Variants in WDR44 observed in about 807,000 individuals in gnomAD.
WDR44 encodes WD repeat domain 44, also known as WD repeat-containing protein 44.
In WDR44, 9 loss-of-function variants were observed where a neutral mutation model predicts 65.7. The observed-to-expected ratio is 0.14, with a 90% confidence interval of 0.08 to 0.24. The LOEUF is 0.24. Ranked by LOEUF, WDR44 falls within the 10% of genes least tolerant of loss-of-function variation. WDR44 has a pLI of 1.00. For synonymous variants in WDR44, 220 were observed against 235.2 expected (o/e 0.94, Z 0.59); for missense variants, 425 against 670.9 (o/e 0.63, Z 4.05).
At chrX:118,409,418 C>T in intron 10 of WDR44, 71 bp from the exon 11 acceptor site, 1 of 1,118,712 alleles carries the variant, frequency 8.9e-7, no homozygotes, top group Non-Finnish European at 1.2e-6. Context: ...ACGTGAGCCA[C>T]CATGCCAGGC....
intron 11 of WDR44, 59 bp from the exon 12 acceptor site, chrX:118,410,836 T>A: frequency 1.1e-6 from 1 of 925,502 alleles, no homozygotes; most frequent in Non-Finnish European, 1.5e-6. Flanking sequence ...GATGTTATAT[T>A]TTGGTGGGTC....
chrX:118,449,580 T>A lies in WDR44; in HGVS notation c.*593T>A, dbSNP rs954592967. On this transcript the variant is annotated 3_prime_UTR_variant, in exon 20 of 20. Transcript: ENST00000254029. ...ATTGTGGGCTTAAGATTCTTTTCTT[T>A]ATATGTGTACATATAATTTTTTTTT... 2.1e-4 allele frequency: 23 copies of A among 111,287 alleles called. No homozygotes were observed. Among genetic ancestry groups the A allele is most frequent in the African/African-American group, 7.5e-4 (23 of 30,594 alleles). 9.2% of individuals were successfully genotyped at this position (111,287 alleles called of 1,213,427 possible).
At chrX:118,398,535 A>G (rs978558941) in intron 8 of WDR44, 65 bp downstream of exon 8, 2 of 927,662 alleles carry the variant, frequency 2.2e-6, no homozygotes, top group Admixed American at 2.5e-5. Flanking sequence ...GAGAACTACC[A>G]TACTATTTTA....
At chrX:118,407,369 C>T (rs1441268999) in intron 10 of WDR44, among the ~76,000 whole-genome samples, 7 of 110,482 alleles carry the variant, frequency 6.3e-5, no homozygotes, top group Admixed American at 3.9e-4. Flanking sequence ...AGCATGGTGG[C>T]GGGTGCCTGT....
At chrX:118,355,789 C>T (rs2056453719) in intron 1 of WDR44, among the ~76,000 whole-genome samples, 2 of 111,279 alleles carry the variant, frequency 1.8e-5, no homozygotes, top group Admixed American at 9.6e-5. Context: ...TTTGAACTTC[C>T]TGGTTCTCTC....
intron 2 of WDR44, among the ~76,000 whole-genome samples, chrX:118,383,878 C>CTTTTTTTTTTTTTTTTTTTTTTTTCT (rs549809406): frequency 1.4e-5 from 1 of 69,840 alleles, no homozygotes; most frequent in East Asian, 5.1e-4. Context: ...TTTTTAATTT[C>CTTTTTTTTTTTTTTTTTTTTTTTTCT]TTTTTTTTTT....
intron 1 of WDR44, among the ~76,000 whole-genome samples, chrX:118,366,740 G>T (rs1333485348): frequency 9.0e-6 from 1 of 111,322 alleles, no homozygotes; most frequent in African/African-American, 3.3e-5. Flanking sequence ...TAGTGTTGTG[G>T]TTATGTTTTA....
intron 1 of WDR44, among the ~76,000 whole-genome samples, chrX:118,376,339 G>A (rs1053729250): frequency 9.0e-6 from 1 of 111,245 alleles, no homozygotes; most frequent in Non-Finnish European, 1.9e-5. Flanking sequence ...CTCTACCAAA[G>A]GAATCATTAC....
chrX:118,425,201 A>G (rs1189568550), intron 12 of WDR44, among the ~76,000 whole-genome samples: 1 of 111,895 alleles, frequency 8.9e-6, no homozygotes, highest in Non-Finnish European at 1.9e-5. Context: ...AAACATAGAG[A>G]TGTCGATGCG....
At chrX:118,442,782 C>A in intron 17 of WDR44, 102 bp downstream of exon 17, 1 of 623,816 alleles carries the variant, frequency 1.6e-6, no homozygotes, top group Non-Finnish European at 2.6e-6. Flanking sequence ...GTTCTTTTCA[C>A]TTTTGCAAGT....
At chrX:118,385,473 G>A (rs1022474029) in intron 2 of WDR44, among the ~76,000 whole-genome samples, 6 of 111,248 alleles carry the variant, frequency 5.4e-5, no homozygotes, top group Non-Finnish European at 7.5e-5. Flanking sequence ...TGAACCCATA[G>A]AGGGGAACAA....
chrX:118,347,138 T>A (rs1383414281), intron 1 of WDR44, among the ~76,000 whole-genome samples: 1 of 111,727 alleles, frequency 9.0e-6, no homozygotes, highest in Non-Finnish European at 1.9e-5. Flanking sequence ...CTCTAGCGAA[T>A]GTACTCTAGA....
At chrX:118,403,022 A>G (rs2056933357) in intron 8 of WDR44, among the ~76,000 whole-genome samples, 1 of 111,871 alleles carries the variant, frequency 8.9e-6, no homozygotes, top group Admixed American at 9.5e-5. Flanking sequence ...CTGATAACCA[A>G]GAAGACTACT....
At chrX:118,373,367 T>C (rs185846245) in intron 1 of WDR44, among the ~76,000 whole-genome samples, 3 of 111,722 alleles carry the variant, frequency 2.7e-5, no homozygotes, top group East Asian at 2.8e-4. Flanking sequence ...CATGTACTTA[T>C]TTACAAGCTG....
At chrX:118,417,416 C>T (rs779465510) in intron 12 of WDR44, among the ~76,000 whole-genome samples, 2 of 111,637 alleles carry the variant, frequency 1.8e-5, no homozygotes, top group African/African-American at 3.2e-5. Context: ...TGTCTGAAAA[C>T]GACTGTATCT....
intron 1 of WDR44, among the ~76,000 whole-genome samples, chrX:118,374,220 A>G (rs750510088): frequency 9.0e-6 from 1 of 111,310 alleles, no homozygotes; most frequent in South Asian, 3.8e-4. Context: ...CCTATTAGGA[A>G]AGTTTTGTGT....
At chrX:118,389,384 G>A (rs758744072) in intron 3 of WDR44, among the ~76,000 whole-genome samples, 10 of 111,863 alleles carry the variant, frequency 8.9e-5, no homozygotes, top group Non-Finnish European at 1.9e-4. Context: ...TGACTTCATG[G>A]AGGAGGTAGC....
intron 1 of WDR44, among the ~76,000 whole-genome samples, chrX:118,370,882 TA>T (rs2147678017): frequency 9.2e-6 from 1 of 108,598 alleles, no homozygotes; most frequent in East Asian, 2.8e-4. Flanking sequence ...GTGCCCAGCC[TA>T]AACCTCTTTT....
rs756021276 is a variant in WDR44, at chrX:118,402,428, T to C, written c.1275-1910T>C. ...CCAGCCTGGGCATCAAGAGTGAAAC[T>C]CTGTCTCAAAAAAAAAAAAAAAAAA... On this transcript the variant is annotated intron_variant, in intron 8 of 19. Transcript: ENST00000254029. Among the ~76,000 whole-genome samples, 6 of 69,018 alleles carry C rather than the reference T, an allele frequency of 8.7e-5. No individual in the cohort carries two copies. In the South Asian group the frequency reaches 5.8e-3, roughly 67 times the overall value. 59.9% of individuals were successfully genotyped at this position (69,018 alleles called of 115,157 possible).
Sources: gnomAD v4.1 joint callset for allele counts (sites outside exome capture counted in the v4.1 genomes callset) on GRCh38, gnomAD v4.1.1 for gene constraint, MANE v1.5 for transcripts, NCBI Gene and HGNC (gene_info 2026-07-23, HGNC 2026-07-21) for gene names.